Variants in WEE2 observed in about 807,000 individuals in gnomAD.
WEE2 encodes wee1-like protein kinase 2.
Under a neutral mutation model 60.1 loss-of-function variants are expected in WEE2, and 50 were observed. That is an observed-to-expected ratio of 0.83 (90% CI 0.66 to 1.05). WEE2 has a LOEUF of 1.05. WEE2 is among the 50% of genes least tolerant of loss of function. The probability of loss-of-function intolerance (pLI) is 0.00; values close to 1 mark genes in which losing one functional copy is unlikely to be tolerated. For missense variants in WEE2, 631 were observed against 684.3 expected (o/e 0.92, Z 0.87); for synonymous variants, 240 against 241.0 (o/e 1.00, Z 0.04).
In WEE2 at chr7:141,708,546, T is replaced by A; in HGVS notation, c.-213T>A. The A allele has an allele frequency of 1.7e-6, 1 of 579,636 alleles. No individual in the cohort carries two copies. The highest frequency in any genetic ancestry group is 3.1e-6 in the Non-Finnish European group (1 of 326,180). 35.9% of individuals were successfully genotyped at this position (579,636 alleles called of 1,614,324 possible). Reference sequence around the variant, plus strand: ...TCACTGGAGCTTTCTTTAATCAGAATGGAAATCAGGATAAGCTGAGGTCTT... The same window carrying A: ...TCACTGGAGCTTTCTTTAATCAGAAAGGAAATCAGGATAAGCTGAGGTCTT... On this transcript the variant is annotated 5_prime_UTR_variant, in exon 1 of 12. The change abolishes an upstream ATG in the 5' untranslated region. Transcript: ENST00000397541.
chr7:141,710,896 G>C (rs1220437392), intron 1 of WEE2, among the ~76,000 whole-genome samples: 2 of 152,054 alleles, frequency 1.3e-5, no homozygotes, highest in Admixed American at 6.6e-5. Flanking sequence ...TGAGTAGAGG[G>C]ATTTTTTTGG....
chr7:141,713,251 C>A (rs768055), intron 1 of WEE2, among the ~76,000 whole-genome samples: 64,620 of 151,910 alleles, frequency 0.43, 14,022 homozygotes, highest in African/African-American at 0.49. Flanking sequence ...ATATCATGGG[C>A]AGAGATGATC....
Position 141,731,136 on chromosome 7 carries a change from A to C in WEE2, c.*816A>C, listed in dbSNP as rs1296315628. On this transcript the variant is annotated 3_prime_UTR_variant, in exon 12 of 12. Transcript: ENST00000397541. The stretch of plus-strand genomic sequence containing the variant: ...TATGTTGGTCATAAAGGTATTTGAT[A>C]AGCTCTGTTTGTGTCATCTTAGTGA... 1 of 152,178 alleles carries C rather than the reference A, an allele frequency of 6.6e-6. No homozygotes were observed. The highest frequency in any genetic ancestry group is 1.5e-5 in the Non-Finnish European group (1 of 68,036). 9.4% of individuals were successfully genotyped at this position (152,178 alleles called of 1,614,324 possible).
At chr7:141,719,329 A>C in intron 4 of WEE2, 85 bp downstream of exon 4, 1 of 1,242,998 alleles carries the variant, frequency 8.0e-7, no homozygotes, top group South Asian at 1.6e-5. Context: ...TAAAGCACCG[A>C]TGTCATTAAA....
At chr7:141,721,166 C>G in intron 5 of WEE2, 110 bp downstream of exon 5, 1 of 1,327,610 alleles carries the variant, frequency 7.5e-7, no homozygotes, top group Non-Finnish European at 1.1e-6. Flanking sequence ...GCAGATATAC[C>G]TAAAAAGTCT....
At chr7:141,714,175 C>T in intron 1 of WEE2, 34 bp from the exon 2 acceptor site, 1 of 1,536,978 alleles carries the variant, frequency 6.5e-7, no homozygotes, top group South Asian at 1.2e-5. Flanking sequence ...TTTACTAATG[C>T]TATTATGACT....
rs762832618 is a variant in WEE2 at position 141,729,514 on chromosome 7, T to C, written c.1536-17T>C. ...TGGAGATCAAGTAGCCTTTGCTTTTTCTCCCTCGCACTTCAGGGAACTGAG... is the reference window on the plus strand; with the variant it reads ...TGGAGATCAAGTAGCCTTTGCTTTTCCTCCCTCGCACTTCAGGGAACTGAG... On this transcript the variant is annotated splice_polypyrimidine_tract_variant and intron_variant, in intron 10 of 11. Coordinates refer to ENST00000397541, the MANE Select transcript of WEE2 (RefSeq NM_001105558.1). 44 of 1,614,092 alleles carry C rather than the reference T, an allele frequency of 2.7e-5. No homozygotes were observed. The highest frequency in any genetic ancestry group is 3.6e-5 in the Non-Finnish European group (43 of 1,180,042).
At chr7:141,719,763 GT>G (rs1165620895) in intron 4 of WEE2, among the ~76,000 whole-genome samples, 3 of 152,088 alleles carry the variant, frequency 2.0e-5, no homozygotes, top group Non-Finnish European at 4.4e-5. Flanking sequence ...ATGATGTGGT[GT>G]TTTGTTTTGT....
intron 4 of WEE2, 119 bp downstream of exon 4, chr7:141,719,363 C>T (rs1177034946): frequency 1.0e-6 from 1 of 959,562 alleles, no homozygotes; most frequent in Non-Finnish European, 1.5e-6. Flanking sequence ...TTAAAATCAC[C>T]CCACATTATA....
rs571238574 is a variant in WEE2 at position 141,720,141 on chromosome 7, C to CTTTTT, written c.759-766_759-762dup. On this transcript the variant is annotated intron_variant, in intron 4 of 11. Coordinates refer to ENST00000397541, the MANE Select transcript of WEE2 (RefSeq NM_001105558.1). The stretch of plus-strand genomic sequence containing the variant: ...GTTTTATACAGGTTTTAGAATTCCT[C>CTTTTT]TTTTTTTTTTTTTTTTTTTTTTTTT... 9.5e-3 allele frequency among the ~76,000 whole-genome samples: 607 copies of CTTTTT among 64,184 alleles called. 65 individuals are homozygous for CTTTTT. The highest frequency in any genetic ancestry group is 0.035 in the East Asian group (52 of 1,490). The allele number at this position is 64,184 out of a possible 152,430, so 42.1% of individuals were successfully genotyped here.
At chr7:141,714,123 T>G in intron 1 of WEE2, 86 bp from the exon 2 acceptor site, 3 of 1,185,496 alleles carry the variant, frequency 2.5e-6, no homozygotes, top group Non-Finnish European at 3.6e-6. Flanking sequence ...GCAAAAGCAT[T>G]CTTAGATTCA....
At chr7:141,724,156 G>T (rs377075519) in intron 7 of WEE2, 34 bp from the exon 8 acceptor site, 2 of 1,591,644 alleles carry the variant, frequency 1.3e-6, no homozygotes, top group East Asian at 4.5e-5. Context: ...TCTTTTGTTC[G>T]ATTTTATTCT....
chr7:141,726,311 C>T (rs1799016585), intron 9 of WEE2, among the ~76,000 whole-genome samples: 2 of 151,896 alleles, frequency 1.3e-5, no homozygotes, highest in African/African-American at 4.8e-5. Flanking sequence ...GACAGGGTCT[C>T]ATTCTGTTGC....
chr7:141,721,180 C>G, intron 5 of WEE2, 124 bp downstream of exon 5: 1 of 1,150,390 alleles, frequency 8.7e-7, no homozygotes, highest in South Asian at 1.4e-5. Context: ...AAAGTCTGTA[C>G]TATATATTAT....
rs931483733 is a variant in WEE2, at chr7:141,708,534, C to T, written c.-225C>T. 7.0e-6 allele frequency: 4 copies of T among 570,084 alleles called. No homozygotes were observed. The highest frequency in any genetic ancestry group is 1.2e-5 in the Non-Finnish European group (4 of 320,928). The allele number at this position is 570,084 out of a possible 1,614,324, so 35.3% of individuals were successfully genotyped here. A position where few individuals can be genotyped will look rare whatever the true frequency, so the allele number is the denominator to read the frequency against. On this transcript the variant is annotated 5_prime_UTR_variant, in exon 1 of 12. Coordinates refer to ENST00000397541, the MANE Select transcript of WEE2 (RefSeq NM_001105558.1). ...TTGCTCCGAGAGTCACTGGAGCTTT[C>T]TTTAATCAGAATGGAAATCAGGATA...
chr7:141,730,171 A>G, intron 11 of WEE2, 124 bp from the exon 12 acceptor site: 1 of 755,904 alleles, frequency 1.3e-6, no homozygotes, highest in Non-Finnish European at 2.1e-6. Flanking sequence ...TCCTAAAGCT[A>G]GTAAGGCTTT....
intron 9 of WEE2, 108 bp from the exon 10 acceptor site, chr7:141,727,196 T>A: frequency 1.7e-6 from 2 of 1,205,424 alleles, no homozygotes; most frequent in South Asian, 2.9e-5. Context: ...GCAGAAGCAA[T>A]GTCTTACAAA....
chr7:141,708,535 T>A lies in WEE2; in HGVS notation c.-224T>A, dbSNP rs1798656526. On this transcript the variant is annotated 5_prime_UTR_variant, in exon 1 of 12. Coordinates refer to ENST00000397541, the MANE Select transcript of WEE2 (RefSeq NM_001105558.1). ...TGCTCCGAGAGTCACTGGAGCTTTC[T>A]TTAATCAGAATGGAAATCAGGATAA... 1.7e-6 allele frequency: 1 copy of A among 571,866 alleles called. No individual in the cohort carries two copies. Among genetic ancestry groups the A allele is most frequent in the African/African-American group, 1.9e-5 (1 of 53,668 alleles). The allele number at this position is 571,866 out of a possible 1,614,324, so 35.4% of individuals were successfully genotyped here.
In WEE2 at chr7:141,730,411, T is replaced by C; in HGVS notation, c.*91T>C. On this transcript the variant is annotated 3_prime_UTR_variant, in exon 12 of 12. Transcript: ENST00000397541. The stretch of plus-strand genomic sequence containing the variant: ...CACCAAAGATCCCAGGGACTCGTTG[T>C]ACATAGAAAGGAATAGAATTTAGTT... 1 of 1,199,566 alleles carries C rather than the reference T, an allele frequency of 8.3e-7. No individual in the cohort carries two copies. Among genetic ancestry groups the C allele is most frequent in the Non-Finnish European group, 1.2e-6 (1 of 822,988 alleles). 74.3% of individuals were successfully genotyped at this position (1,199,566 alleles called of 1,614,324 possible).
Sources: gnomAD v4.1 joint callset for allele counts (sites outside exome capture counted in the v4.1 genomes callset) on GRCh38, gnomAD v4.1.1 for gene constraint, MANE v1.5 for transcripts, NCBI Gene and HGNC (gene_info 2026-07-23, HGNC 2026-07-21) for gene names.